The following GPHN variants were observed in gnomAD, a reference collection of about 807,000 sequenced individuals.
The protein encoded by GPHN is gephyrin.
Under a neutral mutation model 95.5 loss-of-function variants are expected in GPHN, and 17 were observed. That is an observed-to-expected ratio of 0.18 (90% CI 0.12 to 0.27). GPHN has a LOEUF of 0.27. Ranked by LOEUF, GPHN falls within the 10% of genes least tolerant of loss-of-function variation. GPHN has a pLI of 1.00. For missense variants in GPHN, 660 were observed against 978.1 expected (o/e 0.67, Z 4.34); for synonymous variants, 320 against 322.5 (o/e 0.99, Z 0.08).
At chr14:67,071,124 C>T (rs2076288065) in intron 11 of GPHN, among the ~76,000 whole-genome samples, 1 of 151,226 alleles carries the variant, frequency 6.6e-6, no homozygotes, top group African/African-American at 2.4e-5. Flanking sequence ...CCAGCCATCC[C>T]ATTACTGGGC....
the GPHN span, among the ~76,000 whole-genome samples, chr14:67,328,277 C>A: frequency 2.6e-5 from 4 of 152,170 alleles, no homozygotes; most frequent in East Asian, 7.7e-4. Context: ...GCATGAATGT[C>A]TTCTTTTGAG....
intron 1 of GPHN, among the ~76,000 whole-genome samples, chr14:66,585,933 C>A (rs2061401265): frequency 6.6e-6 from 1 of 152,066 alleles, no homozygotes; most frequent in African/African-American, 2.4e-5. Flanking sequence ...AGTTCAATTC[C>A]TGGATATCCT....
chr14:67,261,221 G>C, the GPHN span, among the ~76,000 whole-genome samples: 1 of 152,090 alleles, frequency 6.6e-6, no homozygotes, highest in South Asian at 2.1e-4. Flanking sequence ...GGAGTGCTTC[G>C]GAAAGTTAAT....
intron 1 of GPHN, among the ~76,000 whole-genome samples, chr14:66,562,892 T>C (rs1288224060): frequency 1.3e-5 from 2 of 152,048 alleles, no homozygotes; most frequent in African/African-American, 4.8e-5. Context: ...TGTGTGTGTG[T>C]GTGCGCAAAC....
chr14:67,188,414 A>G, the GPHN span, among the ~76,000 whole-genome samples: 5 of 152,186 alleles, frequency 3.3e-5, no homozygotes, highest in African/African-American at 1.2e-4. Flanking sequence ...AAGTTTAATC[A>G]AGGTACCGCA....
At chr14:67,674,363 C>A in the GPHN span, 208 of 1,580,972 alleles carry the variant, frequency 1.3e-4, 4 homozygotes, top group South Asian at 2.2e-3. Flanking sequence ...GCGTGGCCCA[C>A]CCCCGCCTCA....
At chr14:67,473,955 AAG>A in the GPHN span, 2 of 1,573,652 alleles carry the variant, frequency 1.3e-6, no homozygotes, top group Admixed American at 3.6e-5. This position sits in a 1 kb window ranked among gnomAD's most constrained non-coding sequence, Gnocchi z 6.5. Flanking sequence ...CGGGGGGCGC[AAG>A]AGAGACAGGT....
intron 9 of GPHN, among the ~76,000 whole-genome samples, chr14:66,978,741 A>C (rs1304015094): frequency 6.6e-6 from 1 of 152,206 alleles, no homozygotes; most frequent in Non-Finnish European, 1.5e-5. Flanking sequence ...AATGTTCTGA[A>C]TGGCATCTAA....
At chr14:67,274,239 G>A in the GPHN span, among the ~76,000 whole-genome samples, 4 of 152,054 alleles carry the variant, frequency 2.6e-5, no homozygotes, top group African/African-American at 9.7e-5. Flanking sequence ...TTTCTTCTAG[G>A]GTTTTTCTGG....
the GPHN span, chr14:67,722,830 A>AAAAGCAGG: frequency 1.1e-6 from 1 of 883,752 alleles, no homozygotes; most frequent in South Asian, 1.3e-5. Context: ...TCAGGGCAGG[A>AAAAGCAGG]AAAGCAGGAA....
the GPHN span, chr14:67,204,993 C>T: frequency 7.0e-6 from 11 of 1,565,760 alleles, no homozygotes; most frequent in South Asian, 1.0e-4. Context: ...TCAGAGAAGC[C>T]ACGGAAGTCA....
At chr14:67,330,923 C>T in the GPHN span, among the ~76,000 whole-genome samples, 1 of 152,162 alleles carries the variant, frequency 6.6e-6, no homozygotes, top group Non-Finnish European at 1.5e-5. Context: ...TATGGCCCAA[C>T]ATCTGTTCTT....
the GPHN span, among the ~76,000 whole-genome samples, chr14:67,449,313 G>A: frequency 6.6e-6 from 1 of 152,170 alleles, no homozygotes; most frequent in Non-Finnish European, 1.5e-5. Context: ...AGGCTGCATT[G>A]GATATGATCC....
At chr14:67,143,841 A>AT (rs1268086552) in intron 18 of GPHN, among the ~76,000 whole-genome samples, 1 of 152,120 alleles carries the variant, frequency 6.6e-6, no homozygotes, top group Non-Finnish European at 1.5e-5. Flanking sequence ...CCCACCATAT[A>AT]TTCCAAATCT....
chr14:67,569,251 C>G, the GPHN span: 11 of 1,504,212 alleles, frequency 7.3e-6, no homozygotes, highest in South Asian at 3.4e-5. Flanking sequence ...GCACCAAACA[C>G]CCAAGGTGGG....
At chr14:67,200,124 G>A in the GPHN span, 1 of 1,071,204 alleles carries the variant, frequency 9.3e-7, no homozygotes, top group Non-Finnish European at 1.4e-6. Context: ...CCCCCCGAAG[G>A]CCTCCATTCT....
chr14:66,989,424 T>A (rs192866573), intron 9 of GPHN, among the ~76,000 whole-genome samples: 58 of 151,998 alleles, frequency 3.8e-4, no homozygotes, highest in Non-Finnish European at 6.3e-4. Flanking sequence ...CTTGCTGATT[T>A]CTGTATGGTA....
At chr14:67,206,373 G>A in the GPHN span, among the ~76,000 whole-genome samples, 2 of 152,160 alleles carry the variant, frequency 1.3e-5, no homozygotes, top group Non-Finnish European at 2.9e-5. Flanking sequence ...GTGGGTGCCT[G>A]TAATCCCAGC....
the GPHN span, chr14:67,302,031 A>T: frequency 6.2e-7 from 1 of 1,611,662 alleles, no homozygotes; most frequent in Non-Finnish European, 8.5e-7. Context: ...AGCCCATTAC[A>T]GATGAGAGAG....
Sources: allele counts gnomAD v4.1 joint callset (sites outside exome capture counted in the v4.1 genomes callset), GRCh38; gene constraint gnomAD v4.1.1; non-coding constraint Gnocchi (gnomAD v3.1); transcripts MANE v1.5; gene names NCBI Gene and HGNC (gene_info 2026-07-23, HGNC 2026-07-21).